The following PLAU variants were observed in gnomAD, a reference collection of about 807,000 sequenced individuals.
PLAU encodes plasminogen activator, urokinase.
In PLAU, 32 loss-of-function variants were observed where a neutral mutation model predicts 48.9. The ratio of observed to expected loss-of-function variants is 0.65; its 90% confidence interval spans 0.49 to 0.88. PLAU has a LOEUF of 0.88. PLAU is among the 40% of genes least tolerant of loss of function. The pLI is 0.00. For synonymous variants in PLAU, 199 were observed against 205.7 expected, an observed-to-expected ratio of 0.97 and a Z score of 0.28; for missense variants, 455 against 545.2, an observed-to-expected ratio of 0.83 and a Z score of 1.65.
chr10:73,908,916 C>G (rs1395790970), upstream of PLAU, among the ~76,000 whole-genome samples: 1 of 149,926 alleles, frequency 6.7e-6, no homozygotes, highest in Non-Finnish European at 1.5e-5. Context: ...AATCCCAGCA[C>G]TTTGGAAGGA....
At position 73,911,621 on chromosome 10, in the gene PLAU, G is replaced by A. The variant is rs773549475; in HGVS notation, c.57+9G>A. 7.4e-6 allele frequency: 12 copies of A among 1,613,650 alleles called. No individual in the cohort carries two copies. Among genetic ancestry groups the A allele is most frequent in the Non-Finnish European group, 1.0e-5 (12 of 1,179,920 alleles). On this transcript the variant is annotated intron_variant, in intron 2 of 10. Coordinates refer to ENST00000372764, the MANE Select transcript of PLAU (RefSeq NM_002658.6). ...TCGTGAGCGACTCCAAAGTGAGTGC[G>A]CTCTTGCTTTGACTGATGCTGCCCA...
At chr10:73,909,762 A>G (rs994683876), upstream of PLAU, among the ~76,000 whole-genome samples, 5 of 152,140 alleles carry the variant, frequency 3.3e-5, no homozygotes, top group Non-Finnish European at 5.9e-5. Flanking sequence ...CCTCCTTCCC[A>G]CTAAGAGAGC....
At chr10:73,916,221 C>T (rs919085997) in intron 10 of PLAU, among the ~76,000 whole-genome samples, 168 bp from the exon 11 acceptor site, 29 of 152,108 alleles carry the variant, frequency 1.9e-4, no homozygotes, top group African/African-American at 5.3e-4. Flanking sequence ...CCAGCCTGGG[C>T]GACAGAGCGA....
chr10:73,912,483 C>A (rs2096126478), intron 4 of PLAU, among the ~76,000 whole-genome samples, 161 bp downstream of exon 4: 1 of 152,130 alleles, frequency 6.6e-6, no homozygotes, highest in Admixed American at 6.6e-5. Context: ...GAAACAGTGG[C>A]CACACAAATG....
chr10:73,913,396 C>A lies in PLAU; in HGVS notation c.460+15C>A. On this transcript the variant is annotated intron_variant, in intron 6 of 10. Coordinates refer to ENST00000372764, the MANE Select transcript of PLAU (RefSeq NM_002658.6). The stretch of plus-strand genomic sequence containing the variant: ...CTGCGCAGATGGTGAGCATCACTGA[C>A]CTGCTGATGACAGTGGGGTGGAAGG... 6.2e-7 allele frequency: 1 copy of A among 1,608,292 alleles called. No homozygotes were observed. Among genetic ancestry groups the A allele is most frequent in the Non-Finnish European group, 8.5e-7 (1 of 1,174,772 alleles).
upstream of PLAU, chr10:73,911,081 G>T: frequency 6.2e-6 from 1 of 161,870 alleles, no homozygotes; most frequent in Non-Finnish European, 1.3e-5. Flanking sequence ...GGAGAGGGAG[G>T]GGCGGCGCCG....
Position 73,912,025 on chromosome 10 carries a change from C to T in PLAU, c.58-16C>T. 1.2e-6 allele frequency: 2 copies of T among 1,613,674 alleles called. No individual in the cohort carries two copies. The highest frequency in any genetic ancestry group is 2.2e-5 in the South Asian group (2 of 91,050). ...CATGGGACCTTTGATGAAGCCTCCTCCCGAATCTCTTCCAGGGCAGCAATG... is the reference window on the plus strand; with the variant it reads ...CATGGGACCTTTGATGAAGCCTCCTTCCGAATCTCTTCCAGGGCAGCAATG... On this transcript the variant is annotated splice_polypyrimidine_tract_variant and intron_variant, in intron 2 of 10. Transcript: ENST00000372764.
chr10:73,915,228 GC>G, intron 9 of PLAU, 22 bp from the exon 10 acceptor site: 1 of 1,600,980 alleles, frequency 6.2e-7, no homozygotes, highest in Non-Finnish European at 8.5e-7. Flanking sequence ...TGATGCAAAC[GC>G]CTCCCTGTTT....
intron 4 of PLAU, 53 bp from the exon 5 acceptor site, chr10:73,912,871 G>T: frequency 3.5e-6 from 5 of 1,417,002 alleles, no homozygotes; most frequent in Non-Finnish European, 4.8e-6. Context: ...ATAAAAGTTA[G>T]TTGGAATGTT....
intron 4 of PLAU, 66 bp from the exon 5 acceptor site, chr10:73,912,858 A>T (rs1246410762): frequency 5.0e-6 from 7 of 1,396,052 alleles, no homozygotes; most frequent in South Asian, 2.7e-5. Context: ...TCAAAAAAAA[A>T]AAATAAAAGT....
intron 2 of PLAU, 102 bp from the exon 3 acceptor site, chr10:73,911,939 G>A: frequency 1.9e-6 from 3 of 1,611,534 alleles, no homozygotes; most frequent in South Asian, 1.1e-5. Flanking sequence ...AGGCGAGAGG[G>A]AGAGGGAAGA....
intron 7 of PLAU, 27 bp from the exon 8 acceptor site, chr10:73,913,953 C>T (rs1317632437): frequency 1.2e-6 from 2 of 1,607,064 alleles, no homozygotes; most frequent in Non-Finnish European, 8.5e-7. Flanking sequence ...TGGGACTAAG[C>T]TGTTTGATGG....
At chr10:73,913,462 T>C in intron 6 of PLAU, 77 bp from the exon 7 acceptor site, 1 of 1,550,266 alleles carries the variant, frequency 6.5e-7, no homozygotes, top group Non-Finnish European at 8.9e-7. Flanking sequence ...ACAGGAGGAC[T>C]GAGGAGGTGG....
intron 8 of PLAU, among the ~76,000 whole-genome samples, chr10:73,914,409 T>C (rs75478288): frequency 6.6e-6 from 1 of 152,194 alleles, no homozygotes; most frequent in East Asian, 1.9e-4. Flanking sequence ...AGGCCCTGTT[T>C]ATATGAATTA....
chr10:73,913,546 G>A lies in PLAU; in HGVS notation c.468G>A (p.Lys156=), dbSNP rs1324530685. ...CCTCTGTTTGTCCTCCAGGAAAAAA[G>A]CCCTCCTCTCCTCCAGAAGAATTAA... The part of the protein sequence containing the change: ...CMVHDCADGK[K]PSSPPEELKF... Residue 156 remains lysine (K), a synonymous_variant, in exon 7 of 11, where the codon AAG becomes AAA. Transcript: ENST00000372764. 5 of 1,611,658 alleles carry A rather than the reference G, an allele frequency of 3.1e-6. No individual in the cohort carries two copies. In the African/African-American group the frequency reaches 6.7e-5, roughly 22 times the overall value.
intron 4 of PLAU, 27 bp from the exon 5 acceptor site, chr10:73,912,897 T>G: frequency 6.5e-7 from 1 of 1,541,782 alleles, no homozygotes; most frequent in Non-Finnish European, 8.8e-7. Flanking sequence ...CTTTCTCATA[T>G]TCTCTCATCC....
At chr10:73,913,790 T>C (rs755464577) in intron 7 of PLAU, 32 bp downstream of exon 7, 9 of 1,521,508 alleles carry the variant, frequency 5.9e-6, no homozygotes, top group Admixed American at 1.9e-5. Context: ...CTTCGACTCT[T>C]CTGCCCCACC....
rs1207621658 is a variant in PLAU, at chr10:73,917,158, TA to T, written c.*596del. On this transcript the variant is annotated 3_prime_UTR_variant, in exon 11 of 11. Transcript: ENST00000372764. ...AGAGCTGGTGTCTGATTGTTAAGTC[TA>T]AATATTTCCTTAAACTGTGTGGACT... is the stretch of plus-strand genomic sequence containing the variant. 1 of 153,638 alleles carries T rather than the reference TA, an allele frequency of 6.5e-6. No individual in the cohort carries two copies. The highest frequency in any genetic ancestry group is 2.4e-5 in the African/African-American group (1 of 41,458). The allele number at this position is 153,638 out of a possible 1,614,324, so 9.5% of individuals were successfully genotyped here.
rs771118510 is a variant in PLAU, at chr10:73,914,146, G to A, written c.829+18G>A. 6.2e-6 allele frequency: 10 copies of A among 1,613,018 alleles called. No homozygotes were observed. The highest frequency in any genetic ancestry group is 3.3e-5 in the South Asian group (3 of 90,988). On this transcript the variant is annotated intron_variant, in intron 8 of 10. Coordinates refer to ENST00000372764, the MANE Select transcript of PLAU (RefSeq NM_002658.6). ...CGACATTGGTGAGGGGGAACCCCGC[G>A]ACTACTGTGGCCATAATGGCTTGGG... is the stretch of plus-strand genomic sequence containing the variant.
Sources: allele counts gnomAD v4.1 joint callset (sites outside exome capture counted in the v4.1 genomes callset), GRCh38; gene constraint gnomAD v4.1.1; transcripts MANE v1.5; gene names NCBI Gene and HGNC (gene_info 2026-07-23, HGNC 2026-07-21).